RETREG1: variants seen among roughly 807,000 people sequenced by gnomAD.
RETREG1 encodes the protein family with sequence similarity 134 member B.
Under a neutral mutation model 54.8 loss-of-function variants are expected in RETREG1, and 44 were observed. The ratio of observed to expected loss-of-function variants is 0.80; its 90% CI spans 0.63 to 1.03. The LOEUF is 1.03. Among genes scored for constraint, RETREG1 ranks in the 50% least tolerant of loss-of-function variants. The probability of loss-of-function intolerance (pLI) is 0.00; values close to 1 mark genes in which losing one functional copy is unlikely to be tolerated. For missense variants in RETREG1, 554 were observed against 605.1 expected (o/e 0.92, Z 0.89); for synonymous variants, 217 against 238.5 (o/e 0.91, Z 0.83).
rs527480349 is a variant in RETREG1 at position 16,529,991 on chromosome 5, G to T, written c.458+35772C>A. ...TTACTCTCCACATCACTGAAGAATG[G>T]TTCTCCCAACCCCGGGAGGCCAGAC... On this transcript the variant is annotated intron_variant, in intron 3 of 8. Coordinates refer to ENST00000306320, the MANE Select transcript of RETREG1 (RefSeq NM_001034850.3). Among the ~76,000 whole-genome samples the T allele has an allele frequency of 2.4e-4, 37 of 152,248 alleles. No homozygotes were observed. The South Asian group carries it at 6.9e-3, about 28-fold the overall frequency.
intron 2 of RETREG1, among the ~76,000 whole-genome samples, chr5:16,571,076 C>T (rs1344424329): frequency 1.3e-5 from 2 of 152,184 alleles, no homozygotes; most frequent in Non-Finnish European, 2.9e-5. Context: ...AGACTTATAA[C>T]TGGATTTCAA....
At chr5:16,575,290 C>A (rs147939702) in intron 1 of RETREG1, among the ~76,000 whole-genome samples, 1 of 152,332 alleles carries the variant, frequency 6.6e-6, no homozygotes, top group East Asian at 1.9e-4. Flanking sequence ...CTGTAATGCG[C>A]AGCTCGGCTC....
intron 3 of RETREG1, among the ~76,000 whole-genome samples, chr5:16,484,006 G>GAATT (rs1323854781): frequency 6.6e-6 from 1 of 151,928 alleles, no homozygotes; most frequent in Non-Finnish European, 1.5e-5. Context: ...AGAAACCTTG[G>GAATT]AATTAAGCAT....
At chr5:16,613,453 A>G (rs1435563774) in intron 1 of RETREG1, among the ~76,000 whole-genome samples, 1 of 152,226 alleles carries the variant, frequency 6.6e-6, no homozygotes, top group African/African-American at 2.4e-5. Context: ...AAAATGAATT[A>G]TCCTTTCCTG....
chr5:16,482,567 C>T (rs770477379), intron 4 of RETREG1, among the ~76,000 whole-genome samples: 15 of 151,904 alleles, frequency 9.9e-5, no homozygotes, highest in African/African-American at 1.4e-4. Context: ...ATTGAAGTTA[C>T]GATATTGCCT....
intron 3 of RETREG1, among the ~76,000 whole-genome samples, chr5:16,521,756 T>C (rs1310906392): frequency 6.6e-6 from 1 of 152,240 alleles, no homozygotes; most frequent in African/African-American, 2.4e-5. Context: ...ACGTCGATCT[T>C]CCTTATTGCA....
chr5:16,544,998 C>CA (rs1284097174), intron 3 of RETREG1, among the ~76,000 whole-genome samples: 1 of 152,172 alleles, frequency 6.6e-6, no homozygotes, highest in Admixed American at 6.5e-5. Flanking sequence ...TATGAAAATA[C>CA]ATTTTACTAA....
At chr5:16,479,722 T>C (rs1199003151) in intron 5 of RETREG1, among the ~76,000 whole-genome samples, 5 of 152,122 alleles carry the variant, frequency 3.3e-5, no homozygotes, top group Admixed American at 6.6e-5. Context: ...CTCTAAGTAT[T>C]GTATTCCCAA....
chr5:16,520,050 C>A (rs1158566133), intron 3 of RETREG1, among the ~76,000 whole-genome samples: 1 of 152,156 alleles, frequency 6.6e-6, no homozygotes, highest in Non-Finnish European at 1.5e-5. Context: ...GGCCAAGCTA[C>A]CTGGAAAGCA....
At chr5:16,578,521 C>T (rs1272469759) in intron 1 of RETREG1, among the ~76,000 whole-genome samples, 1 of 152,142 alleles carries the variant, frequency 6.6e-6, no homozygotes, top group East Asian at 1.9e-4. Context: ...TGGGCGTGGG[C>T]GATCCTGACA....
At position 16,577,063 on chromosome 5, in the gene RETREG1, T is replaced by C. The variant is rs926470884; in HGVS notation, c.321-4961A>G. Among the ~76,000 whole-genome samples, 4 of 140,234 alleles carry C rather than the reference T, an allele frequency of 2.9e-5. No individual in the cohort carries two copies. The Middle Eastern group carries it at 0.015, about 535-fold the overall frequency. 92.0% of individuals were successfully genotyped at this position (140,234 alleles called of 152,430 possible). A position where few individuals can be genotyped will look rare whatever the true frequency, so the allele number is the denominator to read the frequency against. ...CACACACACACACACACACACAGAC[T>C]GAAACAGGATCTGAGAAAGTCATCT... On this transcript the variant is annotated intron_variant, in intron 1 of 8. Transcript: ENST00000306320.
At chr5:16,587,797 G>A (rs1270226758) in intron 1 of RETREG1, among the ~76,000 whole-genome samples, 1 of 152,058 alleles carries the variant, frequency 6.6e-6, no homozygotes. Flanking sequence ...TCTTACCTTG[G>A]GTGTGCTCAA....
chr5:16,521,040 T>A (rs1325037999), intron 3 of RETREG1, among the ~76,000 whole-genome samples: 4 of 152,228 alleles, frequency 2.6e-5, no homozygotes, highest in Admixed American at 2.0e-4. Context: ...TTGAGTCCTG[T>A]GTTTACTGAG....
intron 1 of RETREG1, among the ~76,000 whole-genome samples, chr5:16,600,393 G>A (rs1443106344): frequency 1.3e-5 from 2 of 152,238 alleles, no homozygotes; most frequent in Non-Finnish European, 1.5e-5. Flanking sequence ...CCCGACAGAA[G>A]TAGGAGGTTG....
chr5:16,598,059 CTTCCA>C (rs1448628719), intron 1 of RETREG1, among the ~76,000 whole-genome samples: 1 of 152,104 alleles, frequency 6.6e-6, no homozygotes, highest in Admixed American at 6.5e-5. Flanking sequence ...ACCCCCTCCC[CTTCCA>C]TCTCCCCACC....
chr5:16,515,962 A>G (rs771469518), intron 3 of RETREG1, among the ~76,000 whole-genome samples: 2 of 152,056 alleles, frequency 1.3e-5, no homozygotes, highest in Non-Finnish European at 2.9e-5. Context: ...ATATATGATG[A>G]CCCTGAAAAG....
In RETREG1 at chr5:16,587,021, G is replaced by C. The variant is rs1742642051; in HGVS notation, c.321-14919C>G. ...GGGCTCCATCCTCCGGACCTAATCA[G>C]CTCCCAAAGGCTTCCTCTCATCACA... is the stretch of plus-strand genomic sequence containing the variant. On this transcript the variant is annotated intron_variant, in intron 1 of 8. Coordinates refer to ENST00000306320, the MANE Select transcript of RETREG1 (RefSeq NM_001034850.3). Among the ~76,000 whole-genome samples, 5 of 152,200 alleles carry C rather than the reference G, an allele frequency of 3.3e-5. No homozygotes were observed. The South Asian group carries it at 1.0e-3, about 31-fold the overall frequency.
chr5:16,540,581 T>G (rs1026797352), intron 3 of RETREG1, among the ~76,000 whole-genome samples: 6 of 152,182 alleles, frequency 3.9e-5, no homozygotes, highest in African/African-American at 1.4e-4. Flanking sequence ...GACTTGGTAA[T>G]GAGTAATTGG....
At chr5:16,559,706 T>G (rs60944341) in intron 3 of RETREG1, among the ~76,000 whole-genome samples, 4,746 of 152,360 alleles carry the variant, frequency 0.031, 226 homozygotes, top group African/African-American at 0.1. Flanking sequence ...TATAACATAC[T>G]TGGAAAAACC....
Sources: allele counts gnomAD v4.1 joint callset (sites outside exome capture counted in the v4.1 genomes callset), GRCh38; gene constraint gnomAD v4.1.1; transcripts MANE v1.5; gene names NCBI Gene and HGNC (gene_info 2026-07-23, HGNC 2026-07-21).